The following REC8 variants were observed in gnomAD, a reference collection of about 807,000 sequenced individuals.
REC8 encodes the protein meiotic recombination protein REC8 homolog.
A neutral mutation model predicts 78.3 loss-of-function variants in REC8; 42 were observed. That is an observed-to-expected ratio of 0.54 (90% CI 0.42 to 0.69). The LOEUF (loss-of-function observed/expected upper bound fraction) is 0.69, where lower values mean the gene tolerates loss of function less well. Among genes scored for constraint, REC8 ranks in the 30% least tolerant of loss-of-function variants. The pLI is 0.00. For missense variants in REC8, 581 were observed against 715.8 expected (o/e 0.81, Z 2.15); for synonymous variants, 268 against 274.1 (o/e 0.98, Z 0.22).
chr14:24,174,342 A>G (rs1034067732), intron 5 of REC8, among the ~76,000 whole-genome samples: 1 of 151,872 alleles, frequency 6.6e-6, no homozygotes, highest in Admixed American at 6.6e-5. Flanking sequence ...CAGTGGCATG[A>G]TCTTGGCTCA....
At chr14:24,176,294 T>G (rs890395258) in intron 6 of REC8, among the ~76,000 whole-genome samples, 4 of 151,364 alleles carry the variant, frequency 2.6e-5, no homozygotes, top group Admixed American at 2.6e-4. Context: ...TGACCTCAGT[T>G]GATCCACCCA....
At chr14:24,174,801 T>C (rs2038818494) in intron 5 of REC8, among the ~76,000 whole-genome samples, 1 of 152,142 alleles carries the variant, frequency 6.6e-6, no homozygotes, top group Non-Finnish European at 1.5e-5. Flanking sequence ...CTATGAAATA[T>C]TTATCCCAGT....
At chr14:24,177,872 T>C in intron 11 of REC8, 114 bp downstream of exon 11, 12 of 1,470,836 alleles carry the variant, frequency 8.2e-6, no homozygotes, top group Non-Finnish European at 1.1e-5. Flanking sequence ...ATGCAGATGA[T>C]AAAAGATGCC....
At chr14:24,180,444 AG>A (rs2039112859), downstream of REC8, 1 of 1,609,020 alleles carries the variant, frequency 6.2e-7, no homozygotes, top group African/African-American at 1.3e-5. Flanking sequence ...CCTGCAGTCT[AG>A]GAGAGGCCCA....
In REC8 at chr14:24,180,062, C is replaced by T. The variant is rs374010286; in HGVS notation, c.1611C>T (p.Arg537=). The T allele has an allele frequency of 1.9e-6, 3 of 1,614,070 alleles. No individual in the cohort carries two copies. The South Asian group carries it at 3.3e-5, about 18-fold the overall frequency. Residue 537 remains arginine, a synonymous_variant, in exon 19 of 19, where the codon CGC becomes CGT. Coordinates refer to ENST00000611366, the MANE Select transcript of REC8 (RefSeq NM_001048205.2). ...LHVKQEKPYG[R]LLIQPGPRFH is the part of the protein sequence containing the mutation. ...TGAAACAAGAAAAGCCATATGGTCG[C>T]CTCCTGATCCAGCCGGGGCCCAGAT... is the stretch of plus-strand genomic sequence containing the variant.
Position 24,176,822 on chromosome 14 carries a change from AGAG to A in REC8, c.548_550del (p.Arg183del). 1 of 1,612,506 alleles carries A rather than the reference AGAG, an allele frequency of 6.2e-7. No homozygotes were observed. The highest frequency in any genetic ancestry group is 1.1e-5 in the South Asian group (1 of 90,824). ...GCTAGTGACTCTCTTGTCCCTCCAG[AGAG>A]GATTCCGGTCACTGTGCTGCCACCT... On this transcript the variant is annotated inframe_deletion and splice_region_variant, in exon 7 of 19. Transcript: ENST00000611366.
downstream of REC8, chr14:24,180,431 C>T (rs539514941): frequency 1.9e-5 from 30 of 1,602,058 alleles, no homozygotes; most frequent in East Asian, 5.8e-4. Context: ...GGACTGGCTG[C>T]AGCCTGCAGT....
chr14:24,177,733 G>A lies in REC8; in HGVS notation c.839G>A (p.Arg280His), dbSNP rs772661732. The part of the protein sequence containing the change: ...LMEVTPPEEL[R>H]LPAPPSPERR... ...GAGGTGACCCCCCCGGAGGAGCTGC[G>A]TCTGCCAGCCCCACCCAGCCCAGAG... The change falls in exon 11 of 19, where the codon CGT (arginine) becomes CAT (histidine). Residue 280 changes from arginine to histidine, a missense_variant. Physicochemically the swap from Arg to His is conservative, Grantham distance 29. Coordinates refer to ENST00000611366, the MANE Select transcript of REC8 (RefSeq NM_001048205.2). 8.7e-6 allele frequency: 14 copies of A among 1,610,744 alleles called. No individual in the cohort carries two copies. Among genetic ancestry groups the A allele is most frequent in the African/African-American group, 2.7e-5 (2 of 74,734 alleles).
Position 24,178,781 on chromosome 14 carries a change from C to G in REC8, c.1068C>G (p.Gly356=), listed in dbSNP as rs371022690. The G allele has an allele frequency of 1.2e-5, 19 of 1,607,534 alleles. No individual in the cohort carries two copies. Among genetic ancestry groups the G allele is most frequent in the Non-Finnish European group, 1.6e-5 (19 of 1,175,230 alleles). ...CTACTACCCTCTTGTCCACAGCTGG[C>G]TGGCTACCCCCTGAACTACTGGGTC... The part of the protein sequence containing the change: ...AELFRTPTLS[G]WLPPELLGLW... Residue 356 remains glycine, a synonymous_variant, in exon 14 of 19, where the codon GGC becomes GGG. Transcript: ENST00000611366.
At chr14:24,174,887 G>A (rs774337421) in intron 5 of REC8, among the ~76,000 whole-genome samples, 1 of 151,978 alleles carries the variant, frequency 6.6e-6, no homozygotes. Flanking sequence ...CTTGACTCTT[G>A]TGGGGTTACA....
chr14:24,179,673 G>A lies in REC8; in HGVS notation c.1398G>A (p.Met466Ile), dbSNP rs139641571. 6.2e-7 allele frequency: 1 copy of A among 1,614,220 alleles called. No homozygotes were observed. Among genetic ancestry groups the A allele is most frequent in the East Asian group, 2.2e-5 (1 of 44,882 alleles). Residue 466 changes from methionine to isoleucine, a missense_variant, in exon 17 of 19, where the codon ATG becomes ATA. Physicochemically the swap from Met to Ile is conservative, Grantham distance 10. Coordinates refer to ENST00000611366, the MANE Select transcript of REC8 (RefSeq NM_001048205.2). ...VPELPEVPME[M>I]PLVLPPELEL... ...AACTCCCTGAGGTGCCCATGGAGAT[G>A]CCTTTGGTGCTGCCCCCAGAGCTCG... is the stretch of plus-strand genomic sequence containing the variant.
intron 12 of REC8, 97 bp downstream of exon 12, chr14:24,178,319 G>C: frequency 9.2e-7 from 1 of 1,089,896 alleles, no homozygotes; most frequent in African/African-American, 1.6e-5. Flanking sequence ...GGTGGGTGGG[G>C]GGAGGATTGG....
At position 24,179,308 on chromosome 14, in the gene REC8, C is replaced by T. The variant is rs536606258; in HGVS notation, c.1253-89C>T. ...TATGTGCTTTTAACAAGTCACCGCA[C>T]GGCTCTGCCATCTACTTACACCAGG... On this transcript the variant is annotated intron_variant, in intron 15 of 18. Coordinates refer to ENST00000611366, the MANE Select transcript of REC8 (RefSeq NM_001048205.2). 1,285 of 1,416,886 alleles carry T rather than the reference C, an allele frequency of 9.1e-4. 2 individuals carry two copies. Among genetic ancestry groups the T allele is most frequent in the Middle Eastern group, 3.1e-3 (15 of 4,814 alleles). The allele number at this position is 1,416,886 out of a possible 1,614,324, so 87.8% of individuals were successfully genotyped here.
chr14:24,177,996 A>G, intron 11 of REC8, 95 bp from the exon 12 acceptor site: 1 of 1,534,860 alleles, frequency 6.5e-7, no homozygotes, highest in Non-Finnish European at 8.8e-7. Context: ...AGGTTCCTCT[A>G]GGGGCGGGTG....
chr14:24,176,014 A>C (rs1000002146), intron 6 of REC8, among the ~76,000 whole-genome samples: 1 of 146,084 alleles, frequency 6.8e-6, no homozygotes. Flanking sequence ...GGGGCATTTT[A>C]TGTGTATAAC....
intron 11 of REC8, 100 bp from the exon 12 acceptor site, chr14:24,177,991 C>A: frequency 6.5e-7 from 1 of 1,528,306 alleles, no homozygotes; most frequent in Non-Finnish European, 8.8e-7. Context: ...TCTCCAGGTT[C>A]CTCTAGGGGC....
intron 15 of REC8, 123 bp from the exon 16 acceptor site, chr14:24,179,274 T>A (rs533825335): frequency 8.1e-7 from 1 of 1,231,114 alleles, no homozygotes; most frequent in African/African-American, 1.5e-5. Context: ...CCTCCTCAGC[T>A]CTCCCACCTA....
Position 24,172,366 on chromosome 14 carries a change from G to A in REC8, c.-187G>A, listed in dbSNP as rs2038705701. 1.7e-6 allele frequency: 1 copy of A among 599,992 alleles called. No individual in the cohort carries two copies. The highest frequency in any genetic ancestry group is 1.9e-5 in the African/African-American group (1 of 53,982). The allele number at this position is 599,992 out of a possible 1,614,324, so 37.2% of individuals were successfully genotyped here. A position where few individuals can be genotyped will look rare whatever the true frequency, so the allele number is the denominator to read the frequency against. ...CATCTCCTGCGTCTCAGTTATCCTG[G>A]TAATTGTGTATCTGCCCATTGTTCG... On this transcript the variant is annotated 5_prime_UTR_variant, in exon 1 of 19. Transcript: ENST00000611366.
At chr14:24,176,341 G>A (rs950930644) in intron 6 of REC8, among the ~76,000 whole-genome samples, 2 of 146,450 alleles carry the variant, frequency 1.4e-5, no homozygotes, top group Middle Eastern at 3.6e-3. Flanking sequence ...ACAGGCGTGA[G>A]CCACCATACT....
Sources: allele counts gnomAD v4.1 joint callset (sites outside exome capture counted in the v4.1 genomes callset), GRCh38; gene constraint gnomAD v4.1.1; transcripts MANE v1.5; gene names NCBI Gene and HGNC (gene_info 2026-07-23, HGNC 2026-07-21).